Variants in ROR2 observed in about 807,000 individuals in gnomAD.
ROR2 encodes the protein ROR family WNT receptor 2.
In ROR2, 33 loss-of-function variants were observed where a neutral mutation model predicts 74.9. The observed-to-expected ratio is 0.44, with a 90% CI of 0.33 to 0.59. The LOEUF is 0.59. Among genes scored for constraint, ROR2 ranks in the 20% least tolerant of loss-of-function variants. The pLI is 0.02. For synonymous variants in ROR2, 586 were observed against 558.7 expected (o/e 1.05, Z -0.69); for missense variants, 1,216 against 1,313.8 (o/e 0.93, Z 1.15).
At chr9:91,801,665 G>A (rs987659157) in intron 1 of ROR2, among the ~76,000 whole-genome samples, 32 of 152,240 alleles carry the variant, frequency 2.1e-4, no homozygotes, top group African/African-American at 7.2e-4. Flanking sequence ...ATCTCATGCC[G>A]GAATCCCCAG....
intron 1 of ROR2, among the ~76,000 whole-genome samples, chr9:91,864,650 T>C (rs1829575528): frequency 6.6e-6 from 1 of 152,180 alleles, no homozygotes; most frequent in South Asian, 2.1e-4. Flanking sequence ...TCTCCTTCCA[T>C]ATGTGAGTCT....
At position 91,907,622 on chromosome 9, in the gene ROR2, C is replaced by A. The variant is rs551681936; in HGVS notation, c.97+42245G>T. ...TGAGCAGCTACAGGAAGGGCCTCCT[C>A]TGCTGGGAAACCTGGCGCTTCCCAC... is the stretch of plus-strand genomic sequence containing the variant. On this transcript the variant is annotated intron_variant, in intron 1 of 8. Transcript: ENST00000375708. 6.6e-5 allele frequency among the ~76,000 whole-genome samples: 10 copies of A among 152,294 alleles called. No homozygotes were observed. The South Asian group carries it at 2.1e-3, about 32-fold the overall frequency.
intron 1 of ROR2, among the ~76,000 whole-genome samples, chr9:91,833,289 CG>C (rs1828521410): frequency 6.6e-6 from 1 of 152,168 alleles, no homozygotes; most frequent in Non-Finnish European, 1.5e-5. Flanking sequence ...TGGGCTCCAG[CG>C]TCCTGCTCTG....
chr9:91,939,246 C>T (rs934727694), intron 1 of ROR2, among the ~76,000 whole-genome samples: 1 of 151,114 alleles, frequency 6.6e-6, no homozygotes, highest in African/African-American at 2.4e-5. Context: ...GAGACTCCAT[C>T]TCAAAAAAAA....
At chr9:91,735,709 C>T (rs1010765645) in intron 5 of ROR2, among the ~76,000 whole-genome samples, 5 of 139,794 alleles carry the variant, frequency 3.6e-5, no homozygotes, top group Admixed American at 2.4e-4. Flanking sequence ...TTCCACCTCT[C>T]GGGTTTAAGT....
At chr9:91,819,993 C>T (rs1443265298) in intron 1 of ROR2, among the ~76,000 whole-genome samples, 1 of 151,728 alleles carries the variant, frequency 6.6e-6, no homozygotes, top group Non-Finnish European at 1.5e-5. Context: ...TGTGTCTGTA[C>T]CCGTGTGTGT....
Position 91,724,481 on chromosome 9 carries a change from G to A in ROR2, c.2013C>T (p.Ile671=), listed in dbSNP as rs1004639640. ...PEAIMYGKFS[I]DSDIWSYGVV... The stretch of plus-strand genomic sequence containing the variant: ...CACCGTAGGACCAGATGTCTGAGTC[G>A]ATGGAGAACTTGCCGTACATGATGG... Residue 671 remains isoleucine (I), a synonymous_variant, in exon 9 of 9, where the codon ATC becomes ATT. Transcript: ENST00000375708. 13 of 1,614,092 alleles carry A rather than the reference G, an allele frequency of 8.1e-6. No homozygotes were observed. The highest frequency in any genetic ancestry group is 6.7e-5 in the East Asian group (3 of 44,886).
intron 1 of ROR2, among the ~76,000 whole-genome samples, chr9:91,902,726 T>C (rs1217307774): frequency 3.3e-5 from 5 of 152,198 alleles, no homozygotes; most frequent in African/African-American, 1.2e-4. Flanking sequence ...GGAGTTAATA[T>C]GTAAACATTT....
intron 2 of ROR2, among the ~76,000 whole-genome samples, chr9:91,767,768 C>T (rs73511086): frequency 0.055 from 8,304 of 152,228 alleles, 309 homozygotes; most frequent in East Asian, 0.1. Flanking sequence ...TCAGATAAAA[C>T]GGGGAAAACT....
chr9:91,891,558 C>G (rs1042386953), intron 1 of ROR2, among the ~76,000 whole-genome samples: 1 of 152,182 alleles, frequency 6.6e-6, no homozygotes, highest in Non-Finnish European at 1.5e-5. Flanking sequence ...CGTGAGCTAC[C>G]GCACCCGGCC....
At position 91,948,960 on chromosome 9, in the gene ROR2, C is replaced by T. The variant is rs1182946617; in HGVS notation, c.97+907G>A. 6.2e-6 allele frequency: 6 copies of T among 973,916 alleles called. No individual in the cohort carries two copies. The East Asian group carries it at 4.6e-4, about 74-fold the overall frequency. 60.3% of individuals were successfully genotyped at this position (973,916 alleles called of 1,614,324 possible). A position where few individuals can be genotyped will look rare whatever the true frequency, so the allele number is the denominator to read the frequency against. ...CTCCTCCAGGCAACCTAGGCAGGTC[C>T]CAAGCTGCACTTCCGAACCTCCCCG... On this transcript the variant is annotated intron_variant, in intron 1 of 8. Coordinates refer to ENST00000375708, the MANE Select transcript of ROR2 (RefSeq NM_004560.4).
chr9:91,892,967 C>A (rs946630635), intron 1 of ROR2, among the ~76,000 whole-genome samples: 4 of 152,136 alleles, frequency 2.6e-5, no homozygotes, highest in African/African-American at 9.7e-5. Context: ...AATTTACAAT[C>A]ATTTTTAAAC....
chr9:91,793,406 C>T (rs1454046159), intron 1 of ROR2, among the ~76,000 whole-genome samples: 1 of 152,008 alleles, frequency 6.6e-6, no homozygotes, highest in African/African-American at 2.4e-5. Context: ...CTATCTCCTT[C>T]TTCATAAAAA....
intron 1 of ROR2, among the ~76,000 whole-genome samples, chr9:91,846,326 A>G (rs1350917517): frequency 6.6e-6 from 1 of 152,180 alleles, no homozygotes; most frequent in African/African-American, 2.4e-5. Flanking sequence ...GGAGCTTCCA[A>G]TTCAATATAG....
rs759014361 is a variant in ROR2 at position 91,726,689 on chromosome 9, G to A, written c.1238C>T (p.Ala413Val). 5.3e-5 allele frequency: 86 copies of A among 1,613,900 alleles called. No homozygotes were observed. In the South Asian group the frequency reaches 8.6e-4, roughly 16 times the overall value. The change falls in exon 8 of 9, where the codon GCA (alanine) becomes GTA (valine). Residue 413 changes from alanine to valine, a missense_variant. By Grantham distance (64) the Ala-to-Val change is moderately conservative. Transcript: ENST00000375708. ...AAGGCAAGCGATGACCAGTGGAATT[G>A]CGATGCTGGGGACCAAGATGTACAG... is the stretch of plus-strand genomic sequence containing the variant. ...GILYILVPSIAIPLVIACLFF... is the reference protein window; with the variant it reads ...GILYILVPSIVIPLVIACLFF...
At chr9:91,927,585 A>ATTTTTTTTTTTTT (rs1831443305) in intron 1 of ROR2, among the ~76,000 whole-genome samples, 1 of 50,810 alleles carries the variant, frequency 2.0e-5, no homozygotes, top group Non-Finnish European at 3.8e-5. Context: ...TTTTTTTTTG[A>ATTTTTTTTTTTTT]GACGGAGTCT....
intron 7 of ROR2, among the ~76,000 whole-genome samples, chr9:91,726,969 C>T (rs1252146402): frequency 6.6e-6 from 1 of 152,126 alleles, no homozygotes; most frequent in African/African-American, 2.4e-5. Flanking sequence ...AACTGCCCAA[C>T]CTGGAAACAA....
intron 7 of ROR2, among the ~76,000 whole-genome samples, chr9:91,728,369 T>A (rs1449507839): frequency 6.6e-6 from 1 of 152,226 alleles, no homozygotes; most frequent in Non-Finnish European, 1.5e-5. Flanking sequence ...TAGTTTTATA[T>A]GGTTTTCTTA....
intron 1 of ROR2, among the ~76,000 whole-genome samples, chr9:91,872,810 G>T (rs1391665086): frequency 6.6e-6 from 1 of 152,146 alleles, no homozygotes; most frequent in East Asian, 1.9e-4. Context: ...GGATGGAGAG[G>T]GACCTGGATG....
Sources: gnomAD v4.1 joint callset for allele counts (sites outside exome capture counted in the v4.1 genomes callset) on GRCh38, gnomAD v4.1.1 for gene constraint, MANE v1.5 for transcripts, NCBI Gene and HGNC (gene_info 2026-07-23, HGNC 2026-07-21) for gene names.